The following PRKD1 variants were observed in gnomAD, a reference collection of about 807,000 sequenced individuals.
PRKD1 encodes serine/threonine-protein kinase D1.
In PRKD1, 63 loss-of-function variants were observed where a neutral mutation model predicts 95.9. That is an observed-to-expected ratio of 0.66 (90% CI 0.54 to 0.81). The LOEUF is 0.81. PRKD1 is among the 30% of genes least tolerant of loss of function. The probability of loss-of-function intolerance (pLI) is 0.00; values close to 1 mark genes in which losing one functional copy is unlikely to be tolerated. For missense variants in PRKD1, 1,048 were observed against 1,165.3 expected (o/e 0.90, Z 1.47); for synonymous variants, 425 against 423.1 (o/e 1.00, Z -0.05).
chr14:29,885,890 C>G, intron 1 of PRKD1, among the ~76,000 whole-genome samples: 1 of 150,738 alleles, frequency 6.6e-6, no homozygotes, highest in Non-Finnish European at 1.5e-5. Context: ...TTGCTTGAAC[C>G]TAGGAGGTGG....
intron 1 of PRKD1, among the ~76,000 whole-genome samples, chr14:29,754,126 G>A (rs1450576091): frequency 6.6e-6 from 1 of 152,136 alleles, no homozygotes; most frequent in East Asian, 1.9e-4. Context: ...CAGCTTAACT[G>A]ATGAGAGATG....
intron 1 of PRKD1, among the ~76,000 whole-genome samples, chr14:29,791,642 A>G (rs1242511247): frequency 1.3e-5 from 2 of 152,192 alleles, no homozygotes; most frequent in East Asian, 3.8e-4. Context: ...GTTGTAGCAC[A>G]TATCAGTATT....
intron 1 of PRKD1, among the ~76,000 whole-genome samples, chr14:29,826,985 T>C (rs1891223022): frequency 6.7e-6 from 1 of 149,172 alleles, no homozygotes; most frequent in Non-Finnish European, 1.5e-5. Flanking sequence ...AATGAAAAAT[T>C]GAACATCATA....
intron 1 of PRKD1, among the ~76,000 whole-genome samples, chr14:29,788,906 A>C (rs913979251): frequency 6.6e-6 from 1 of 150,606 alleles, no homozygotes; most frequent in African/African-American, 2.4e-5. Flanking sequence ...TTTATTTTTG[A>C]GACAAGATCT....
At chr14:29,803,866 A>G (rs1890127530) in intron 1 of PRKD1, among the ~76,000 whole-genome samples, 1 of 152,236 alleles carries the variant, frequency 6.6e-6, no homozygotes, top group African/African-American at 2.4e-5. Context: ...CCTAAACCCA[A>G]TCTCTTTATC....
chr14:29,885,124 T>TTTTAAAAAAA (rs1232960518), intron 1 of PRKD1, among the ~76,000 whole-genome samples: 5 of 131,074 alleles, frequency 3.8e-5, no homozygotes, highest in African/African-American at 1.4e-4. Flanking sequence ...CTCCATCTTT[T>TTTTAAAAAAA]AAAAAAAAAA....
intron 2 of PRKD1, among the ~76,000 whole-genome samples, chr14:29,684,159 T>C (rs1328697139): frequency 6.2e-5 from 8 of 129,606 alleles, no homozygotes; most frequent in South Asian, 2.5e-4. Flanking sequence ...TTTTTTTTTT[T>C]CTTTTTTCTG....
intron 1 of PRKD1, among the ~76,000 whole-genome samples, chr14:29,850,097 C>T (rs546033124): frequency 6.6e-6 from 1 of 152,192 alleles, no homozygotes; most frequent in Non-Finnish European, 1.5e-5. Context: ...CAATGTCATA[C>T]TGAATGGACA....
chr14:29,731,947 T>C (rs1345898934), intron 1 of PRKD1, among the ~76,000 whole-genome samples: 1 of 151,850 alleles, frequency 6.6e-6, no homozygotes, highest in Non-Finnish European at 1.5e-5. Flanking sequence ...GATCTTGGCT[T>C]ATGGCAACCT....
intron 2 of PRKD1, among the ~76,000 whole-genome samples, chr14:29,719,609 C>A (rs1215005609): frequency 6.6e-6 from 1 of 152,200 alleles, no homozygotes; most frequent in Non-Finnish European, 1.5e-5. Context: ...CTCTGCAGGA[C>A]ATAGGCAAGT....
At chr14:29,686,346 G>C (rs1015955737) in intron 2 of PRKD1, among the ~76,000 whole-genome samples, 2 of 151,620 alleles carry the variant, frequency 1.3e-5, no homozygotes, top group African/African-American at 4.9e-5. Flanking sequence ...CAGGCAGTGT[G>C]TCAGTTGGGA....
chr14:29,733,367 T>C (rs1162912753), intron 1 of PRKD1, among the ~76,000 whole-genome samples: 1 of 152,146 alleles, frequency 6.6e-6, no homozygotes, highest in Non-Finnish European at 1.5e-5. Context: ...CTCCAAGTGC[T>C]GGGATTACAG....
intron 13 of PRKD1, among the ~76,000 whole-genome samples, chr14:29,613,135 G>T (rs1227366738): frequency 1.3e-5 from 2 of 152,090 alleles, no homozygotes; most frequent in African/African-American, 4.8e-5. Context: ...TGCAAGGAAA[G>T]AAATATTTGA....
At chr14:29,839,936 C>T (rs918705496) in intron 1 of PRKD1, among the ~76,000 whole-genome samples, 23 of 152,038 alleles carry the variant, frequency 1.5e-4, no homozygotes, top group Non-Finnish European at 1.8e-4. Context: ...CCTGGGCCTC[C>T]GGGCCTGTGA....
intron 1 of PRKD1, among the ~76,000 whole-genome samples, chr14:29,837,856 T>A (rs1160051228): frequency 6.6e-6 from 1 of 152,244 alleles, no homozygotes; most frequent in Non-Finnish European, 1.5e-5. Context: ...AAGATTTGAA[T>A]GAATTTCAAG....
chr14:29,903,809 A>G (rs1416946748), intron 1 of PRKD1, among the ~76,000 whole-genome samples: 2 of 152,230 alleles, frequency 1.3e-5, no homozygotes, highest in Non-Finnish European at 2.9e-5. Flanking sequence ...TCCATCATTT[A>G]AAGTGAAAAT....
At chr14:29,856,723 G>C (rs1892519959) in intron 1 of PRKD1, among the ~76,000 whole-genome samples, 1 of 152,168 alleles carries the variant, frequency 6.6e-6, no homozygotes. Context: ...CTGAAGGCCT[G>C]CTGAAGTTTG....
chr14:29,779,151 C>A (rs1341820588), intron 1 of PRKD1, among the ~76,000 whole-genome samples: 1 of 151,998 alleles, frequency 6.6e-6, no homozygotes, highest in Non-Finnish European at 1.5e-5. Flanking sequence ...AATGATAAGA[C>A]CTATTTATGA....
intron 1 of PRKD1, among the ~76,000 whole-genome samples, chr14:29,878,341 CAAA>C (rs58074850): frequency 6.0e-5 from 3 of 49,830 alleles, no homozygotes; most frequent in African/African-American, 1.7e-4. Flanking sequence ...GTTCTAATGA[CAAA>C]AAAAAAAAAA....
Sources: allele counts gnomAD v4.1 joint callset (sites outside exome capture counted in the v4.1 genomes callset), GRCh38; gene constraint gnomAD v4.1.1; transcripts MANE v1.5; gene names NCBI Gene and HGNC (gene_info 2026-07-23, HGNC 2026-07-21).